The following RIMKLB variants were observed in gnomAD, a reference collection of about 807,000 sequenced individuals.
The protein encoded by RIMKLB is ribosomal modification protein rimK like family member B.
RIMKLB carries 7 observed loss-of-function variants against 32.0 expected under a neutral mutation model. The observed-to-expected ratio is 0.22, with a 90% CI of 0.12 to 0.41. The LOEUF is 0.41. RIMKLB is among the 10% of genes least tolerant of loss of function. RIMKLB has a pLI of 1.00. For synonymous variants in RIMKLB, 172 were observed against 185.1 expected (o/e 0.93, Z 0.57); for missense variants, 289 against 498.7 (o/e 0.58, Z 4.00).
At chr12:8,669,410 A>T in the RIMKLB span, among the ~76,000 whole-genome samples, 5 of 152,294 alleles carry the variant, frequency 3.3e-5, 1 homozygote, top group East Asian at 9.6e-4. Flanking sequence ...GAGGGGCCAA[A>T]CCATATCCAA....
intron 2 of RIMKLB, among the ~76,000 whole-genome samples, chr12:8,719,544 T>G (rs1945229039): frequency 6.6e-6 from 1 of 152,130 alleles, no homozygotes; most frequent in African/African-American, 2.4e-5. Flanking sequence ...GATTTTTGTA[T>G]TTTTAGTAGA....
At position 8,774,072 on chromosome 12, in the gene RIMKLB, G is replaced by A. The variant is rs757819079; in HGVS notation, c.*288G>A. ...AAAAATGTGTATGCTCATAGGCCAT[G>A]AGGAACAAATACTTTTTTTTTTTCA... On this transcript the variant is annotated 3_prime_UTR_variant, in exon 6 of 6. Coordinates refer to ENST00000535829, the MANE Select transcript of RIMKLB (RefSeq NM_001297776.2). 3.2e-4 allele frequency: 369 copies of A among 1,137,866 alleles called. 2 individuals carry two copies. The African/African-American group carries it at 5.6e-3, about 17-fold the overall frequency. 70.5% of individuals were successfully genotyped at this position (1,137,866 alleles called of 1,614,324 possible).
upstream of RIMKLB, among the ~76,000 whole-genome samples, chr12:8,677,748 C>CA (rs887312482): frequency 6.9e-6 from 1 of 145,550 alleles, no homozygotes; most frequent in Non-Finnish European, 1.5e-5. Flanking sequence ...AACCTTTGCC[C>CA]TTTTTTTTTT....
chr12:8,777,010 G>A lies in RIMKLB; in HGVS notation c.*3226G>A. The A allele has an allele frequency of 5.1e-6, 5 of 985,732 alleles. No individual in the cohort carries two copies. Among genetic ancestry groups the A allele is most frequent in the Non-Finnish European group, 6.0e-6 (5 of 829,900 alleles). 61.1% of individuals were successfully genotyped at this position (985,732 alleles called of 1,614,324 possible). ...TTTTCTCCTGGCTCACTTTTTTTGA[G>A]AAGGTTTATGGGCTATTTGGCTGGT... On this transcript the variant is annotated 3_prime_UTR_variant, in exon 6 of 6. Transcript: ENST00000535829.
At chr12:8,769,821 C>CGAA (rs1950261329) in intron 5 of RIMKLB, among the ~76,000 whole-genome samples, 1 of 152,188 alleles carries the variant, frequency 6.6e-6, no homozygotes, top group African/African-American at 2.4e-5. Context: ...AATACCTTTA[C>CGAA]TTTCCCCTGG....
intron 2 of RIMKLB, among the ~76,000 whole-genome samples, chr12:8,749,622 T>G (rs1948452080): frequency 6.6e-6 from 1 of 152,242 alleles, no homozygotes; most frequent in Non-Finnish European, 1.5e-5. Context: ...AACATATATG[T>G]TTATGACATT....
downstream of RIMKLB, chr12:8,777,681 G>C (rs780773562): frequency 1.0e-5 from 13 of 1,288,688 alleles, no homozygotes; most frequent in South Asian, 1.2e-4. Flanking sequence ...TGATGAGTGA[G>C]AAGTATTGAG....
intron 3 of RIMKLB, among the ~76,000 whole-genome samples, chr12:8,751,087 CAG>C (rs1480545347): frequency 6.6e-6 from 1 of 152,086 alleles, no homozygotes; most frequent in African/African-American, 2.4e-5. Flanking sequence ...TAAGAAGAGA[CAG>C]AATTAATATA....
chr12:8,690,901 G>A (rs764552989), intron 1 of RIMKLB, among the ~76,000 whole-genome samples: 6 of 152,118 alleles, frequency 3.9e-5, no homozygotes, highest in African/African-American at 1.2e-4. Flanking sequence ...CCAGCCTGGC[G>A]ACAGAGCGAG....
intron 2 of RIMKLB, among the ~76,000 whole-genome samples, chr12:8,723,669 T>C (rs949941130): frequency 2.0e-5 from 3 of 152,140 alleles, no homozygotes; most frequent in African/African-American, 7.2e-5. Flanking sequence ...TGTTTATTTC[T>C]CTCTAGATTA....
At chr12:8,691,439 ATC>A (rs1416627156) in intron 1 of RIMKLB, among the ~76,000 whole-genome samples, 1 of 151,842 alleles carries the variant, frequency 6.6e-6, no homozygotes, top group Middle Eastern at 3.2e-3. Context: ...TGAGACCCCC[ATC>A]TCTACTAAAA....
intron 7 of RIMKLB, among the ~76,000 whole-genome samples, chr12:8,782,680 G>A (rs762243414): frequency 1.3e-5 from 2 of 152,036 alleles, no homozygotes; most frequent in African/African-American, 2.4e-5. Context: ...ATTTTTTAAT[G>A]ATAAGAACAT....
chr12:8,719,047 C>T (rs1945172096), intron 2 of RIMKLB, among the ~76,000 whole-genome samples: 1 of 152,194 alleles, frequency 6.6e-6, no homozygotes, highest in South Asian at 2.1e-4. Context: ...TTTCTCCCTC[C>T]TGTTCATCCT....
the RIMKLB span, among the ~76,000 whole-genome samples, chr12:8,673,222 A>AG: frequency 1.3e-5 from 2 of 151,966 alleles, no homozygotes; most frequent in East Asian, 3.9e-4. Context: ...AGAACAGCCT[A>AG]ATACAGTGAC....
At chr12:8,705,417 C>T (rs140846525) in intron 1 of RIMKLB, among the ~76,000 whole-genome samples, 1,928 of 147,628 alleles carry the variant, frequency 0.013, 40 homozygotes, top group African/African-American at 0.047. Flanking sequence ...GCAGAGGTTG[C>T]AGTGAGCCAA....
At chr12:8,728,852 G>A (rs1019498827) in intron 2 of RIMKLB, among the ~76,000 whole-genome samples, 1 of 151,854 alleles carries the variant, frequency 6.6e-6, no homozygotes. Context: ...GCCCAGGCTG[G>A]TCTTGAACTT....
downstream of RIMKLB, chr12:8,780,284 G>A (rs1039187801): frequency 2.0e-5 from 3 of 152,184 alleles, no homozygotes; most frequent in Non-Finnish European, 4.4e-5. Flanking sequence ...AGGTAAAGAA[G>A]GAAACAGACA....
downstream of RIMKLB, chr12:8,780,442 T>C (rs959461532): frequency 2.0e-5 from 3 of 152,206 alleles, no homozygotes; most frequent in East Asian, 5.8e-4. Context: ...TTTTTATTTT[T>C]GGAGGGAAGG....
the RIMKLB span, among the ~76,000 whole-genome samples, chr12:8,672,209 A>G: frequency 6.6e-6 from 1 of 152,188 alleles, no homozygotes; most frequent in Admixed American, 6.5e-5. Context: ...AGGTCATTCA[A>G]CAAGTCTCTA....
Sources: allele counts gnomAD v4.1 joint callset (sites outside exome capture counted in the v4.1 genomes callset), GRCh38; gene constraint gnomAD v4.1.1; transcripts MANE v1.5; gene names NCBI Gene and HGNC (gene_info 2026-07-23, HGNC 2026-07-21).